ANKRD44: variants seen among roughly 807,000 people sequenced by gnomAD.
ANKRD44 encodes the protein ankyrin repeat domain 44, also known as serine/threonine-protein phosphatase 6 regulatory ankyrin repeat subunit B.
ANKRD44 carries 35 observed loss-of-function variants against 116.0 expected under a neutral mutation model. That is an observed-to-expected ratio of 0.30 (90% CI 0.23 to 0.40). ANKRD44 has a LOEUF of 0.40. Among genes scored for constraint, ANKRD44 ranks in the 10% least tolerant of loss-of-function variants. ANKRD44 has a pLI of 1.00. For synonymous variants in ANKRD44, 435 were observed against 461.8 expected, an observed-to-expected ratio of 0.94 and a Z score of 0.74; for missense variants, 1,014 against 1,242.6, an observed-to-expected ratio of 0.82 and a Z score of 2.77.
chr2:197,019,663 A>G (rs1574287961), intron 17 of ANKRD44, among the ~76,000 whole-genome samples: 1 of 152,340 alleles, frequency 6.6e-6, no homozygotes, highest in Admixed American at 6.5e-5. Flanking sequence ...CATAAGTTAT[A>G]TGTTCCCGTA....
In ANKRD44 at chr2:197,110,842, A is replaced by G; in HGVS notation, c.909T>C (p.Ser303=). 6.2e-7 allele frequency: 1 copy of G among 1,613,608 alleles called. No homozygotes were observed. The highest frequency in any genetic ancestry group is 8.5e-7 in the Non-Finnish European group (1 of 1,179,650). ...VNNGADVNIQ[S]KDGKSPLHMT... ...TGTGCAGTGGACTTTTGCCATCTTTACTCTAAAAAAAAGAGAGGGAGAGAA... is the reference window on the plus strand; with the variant it reads ...TGTGCAGTGGACTTTTGCCATCTTTGCTCTAAAAAAAAGAGAGGGAGAGAA... Residue 303 remains serine, a splice_region_variant and synonymous_variant, in exon 9 of 28, where the codon AGT becomes AGC. Transcript: ENST00000282272.
intron 1 of ANKRD44, among the ~76,000 whole-genome samples, chr2:197,207,907 CTAAAAG>C (rs1388301299): frequency 1.3e-5 from 2 of 152,138 alleles, no homozygotes; most frequent in African/African-American, 4.8e-5. Context: ...TACTGGATTC[CTAAAAG>C]TAAAATTCTA....
At chr2:197,226,091 A>G (rs1248819362) in intron 1 of ANKRD44, among the ~76,000 whole-genome samples, 1 of 152,260 alleles carries the variant, frequency 6.6e-6, no homozygotes, top group African/African-American at 2.4e-5. Flanking sequence ...CCTGTCTTCC[A>G]AGACAAAAAT....
intron 1 of ANKRD44, among the ~76,000 whole-genome samples, chr2:197,208,356 G>T (rs2081254768): frequency 6.6e-6 from 1 of 152,180 alleles, no homozygotes; most frequent in Non-Finnish European, 1.5e-5. Flanking sequence ...CACCTTAAGG[G>T]AAGAATGGAA....
chr2:197,266,431 T>G (rs950886202), intron 1 of ANKRD44, among the ~76,000 whole-genome samples: 1 of 152,130 alleles, frequency 6.6e-6, no homozygotes, highest in African/African-American at 2.4e-5. Context: ...ATCTCAAGTC[T>G]GCTGTCTGAC....
rs1012797110 is a variant in ANKRD44 at position 196,986,871 on chromosome 2, A to C, written c.*2720T>G. 2 of 985,318 alleles carry C rather than the reference A, an allele frequency of 2.0e-6. No homozygotes were observed. Among genetic ancestry groups the C allele is most frequent in the African/African-American group, 3.5e-5 (2 of 57,252 alleles). The allele number at this position is 985,318 out of a possible 1,614,324, so 61.0% of individuals were successfully genotyped here. A position where few individuals can be genotyped will look rare whatever the true frequency, so the allele number is the denominator to read the frequency against. Reference sequence around the variant, plus strand: ...CATTTTTACAGTCATGACATTTACCAGAGTCATTCAACTCCAATTTACATA... The same window carrying C: ...CATTTTTACAGTCATGACATTTACCCGAGTCATTCAACTCCAATTTACATA... On this transcript the variant is annotated 3_prime_UTR_variant, in exon 28 of 28. Coordinates refer to ENST00000282272, the MANE Select transcript of ANKRD44 (RefSeq NM_001195144.2).
chr2:197,140,467 T>C (rs891114284), intron 3 of ANKRD44, among the ~76,000 whole-genome samples: 2 of 152,082 alleles, frequency 1.3e-5, no homozygotes, highest in Non-Finnish European at 1.5e-5. Flanking sequence ...TGCCAGCACA[T>C]GCCACCATGC....
intron 1 of ANKRD44, among the ~76,000 whole-genome samples, chr2:197,219,270 A>G (rs1324119176): frequency 1.3e-5 from 2 of 151,820 alleles, no homozygotes; most frequent in African/African-American, 4.8e-5. Flanking sequence ...GGGTTTCACC[A>G]TGTTGGCCAG....
At chr2:197,288,923 G>A (rs2083482107) in intron 1 of ANKRD44, among the ~76,000 whole-genome samples, 1 of 152,196 alleles carries the variant, frequency 6.6e-6, no homozygotes, top group African/African-American at 2.4e-5. Context: ...AGGAGGATAT[G>A]AAGAGAGGTT....
intron 1 of ANKRD44, among the ~76,000 whole-genome samples, chr2:197,256,786 A>C (rs993232385): frequency 1.3e-5 from 2 of 152,198 alleles, no homozygotes; most frequent in Admixed American, 1.3e-4. Flanking sequence ...TCGTATCCTA[A>C]GCTAATCGCT....
chr2:197,239,794 C>A lies in ANKRD44; in HGVS notation c.28-52688G>T, dbSNP rs569486204. 3.9e-5 allele frequency among the ~76,000 whole-genome samples: 6 copies of A among 152,260 alleles called. No homozygotes were observed. In the East Asian group the frequency reaches 9.7e-4, roughly 24 times the overall value. ...TTGCATACCTTTCTTGCTTTAGTAA[C>A]TAGTTTTTGGGAGTTTCACTATCTC... On this transcript the variant is annotated intron_variant, in intron 1 of 27. Transcript: ENST00000282272.
At chr2:197,215,067 G>A (rs774338523) in intron 1 of ANKRD44, among the ~76,000 whole-genome samples, 1 of 152,078 alleles carries the variant, frequency 6.6e-6, no homozygotes, top group African/African-American at 2.4e-5. Flanking sequence ...GTAGAGACAG[G>A]GTTTTGCCAT....
intron 16 of ANKRD44, 40 bp from the exon 17 acceptor site, chr2:197,025,307 A>C (rs767004450): frequency 9.5e-6 from 15 of 1,573,562 alleles, no homozygotes; most frequent in Non-Finnish European, 1.2e-5. Flanking sequence ...GTGAGTCCAA[A>C]TTTTGCAAAA....
intron 1 of ANKRD44, among the ~76,000 whole-genome samples, chr2:197,270,553 A>C (rs1488001364): frequency 1.3e-5 from 2 of 152,170 alleles, no homozygotes; most frequent in Non-Finnish European, 2.9e-5. Context: ...ATCCAGGTGG[A>C]ATTTCTAAGA....
chr2:197,220,270 G>A (rs1487108077), intron 1 of ANKRD44, among the ~76,000 whole-genome samples: 1 of 152,050 alleles, frequency 6.6e-6, no homozygotes, highest in Non-Finnish European at 1.5e-5. Flanking sequence ...AGAAATTCCT[G>A]TCATTAATAT....
At chr2:196,994,011 G>T (rs2075967274) in intron 26 of ANKRD44, among the ~76,000 whole-genome samples, 1 of 152,156 alleles carries the variant, frequency 6.6e-6, no homozygotes, top group Admixed American at 6.5e-5. Flanking sequence ...CACAGCATTT[G>T]AATCACTGTT....
At chr2:197,281,236 T>C (rs1406793513) in intron 1 of ANKRD44, among the ~76,000 whole-genome samples, 1 of 152,204 alleles carries the variant, frequency 6.6e-6, no homozygotes, top group Non-Finnish European at 1.5e-5. Context: ...GTTACATGCC[T>C]GTTGATAGGA....
chr2:197,271,612 G>A (rs1389251953), intron 1 of ANKRD44, among the ~76,000 whole-genome samples: 1 of 152,094 alleles, frequency 6.6e-6, no homozygotes, highest in Non-Finnish European at 1.5e-5. Context: ...CTAATGCATT[G>A]CAAATCAGGT....
chr2:197,283,927 G>A (rs1006508683), intron 1 of ANKRD44, among the ~76,000 whole-genome samples: 4 of 152,166 alleles, frequency 2.6e-5, no homozygotes, highest in Non-Finnish European at 4.4e-5. Context: ...ATAGCTCAGT[G>A]ATATCAGTAT....
Sources: gnomAD v4.1 joint callset for allele counts (sites outside exome capture counted in the v4.1 genomes callset) on GRCh38, gnomAD v4.1.1 for gene constraint, MANE v1.5 for transcripts, NCBI Gene and HGNC (gene_info 2026-07-23, HGNC 2026-07-21) for gene names.